The following FAT3 variants were observed in gnomAD, a reference collection of about 807,000 sequenced individuals.
FAT3 encodes the protein protocadherin Fat 3.
Under a neutral mutation model 310.2 loss-of-function variants are expected in FAT3, and 95 were observed. The ratio of observed to expected loss-of-function variants is 0.31; its 90% CI spans 0.26 to 0.36. The LOEUF is 0.36. Ranked by LOEUF, FAT3 falls within the 10% of genes least tolerant of loss-of-function variation. The pLI is 1.00. For missense variants in FAT3, 5,408 were observed against 5,715.6 expected (o/e 0.95, Z 1.74); for synonymous variants, 2,314 against 2,192.9 (o/e 1.06, Z -1.54).
At chr11:92,296,693 C>A (rs560721914) in intron 1 of FAT3, among the ~76,000 whole-genome samples, 2 of 152,022 alleles carry the variant, frequency 1.3e-5, no homozygotes, top group African/African-American at 2.4e-5. Context: ...AAAGGCTCAG[C>A]GCGAAATGGA....
intron 15 of FAT3, 84 bp from the exon 16 acceptor site, chr11:92,836,482 A>G: frequency 6.6e-7 from 1 of 1,524,422 alleles, no homozygotes; most frequent in Non-Finnish European, 8.8e-7. Flanking sequence ...AGCTGCACCC[A>G]TTTAAACAGA....
In FAT3 at chr11:92,421,667, T is replaced by C. The variant is rs1310772484; in HGVS notation, c.3292+66263T>C. On this transcript the variant is annotated intron_variant, in intron 2 of 27. Transcript: ENST00000525166. ...TGCTTAAAATTATATTTTTGCTTTT[T>C]ATTGAGAGACAATCGACCTCAAAAC... Among the ~76,000 whole-genome samples, 7 of 152,352 alleles carry C rather than the reference T, an allele frequency of 4.6e-5. No individual in the cohort carries two copies. In the East Asian group the frequency reaches 1.2e-3, roughly 25 times the overall value.
At chr11:92,555,578 A>G (rs1954989060) in intron 3 of FAT3, among the ~76,000 whole-genome samples, 1 of 152,146 alleles carries the variant, frequency 6.6e-6, no homozygotes, top group Non-Finnish European at 1.5e-5. Context: ...CTTTTCAGCT[A>G]ACACCCAGAG....
intron 2 of FAT3, among the ~76,000 whole-genome samples, chr11:92,417,960 T>C (rs1950451993): frequency 6.6e-6 from 1 of 152,092 alleles, no homozygotes; most frequent in African/African-American, 2.4e-5. Flanking sequence ...AGCAGGTGCT[T>C]AATGAATTCC....
Position 92,684,711 on chromosome 11 carries a change from G to A in FAT3, c.3608-12673G>A, listed in dbSNP as rs1445303323. 2.6e-5 allele frequency among the ~76,000 whole-genome samples: 4 copies of A among 152,064 alleles called. No individual in the cohort carries two copies. In the South Asian group the frequency reaches 8.3e-4, roughly 32 times the overall value. ...AACAAGCTAGATATAGATGCTTATG[G>A]CAGTCTTTGGTGCTTCCTGCCTCTC... is the stretch of plus-strand genomic sequence containing the variant. On this transcript the variant is annotated intron_variant, in intron 3 of 27. Coordinates refer to ENST00000525166, the MANE Select transcript of FAT3 (RefSeq NM_001367949.2).
At chr11:92,671,052 GT>G (rs917896972) in intron 3 of FAT3, among the ~76,000 whole-genome samples, 15 of 147,992 alleles carry the variant, frequency 1.0e-4, no homozygotes, top group South Asian at 4.4e-4. Context: ...TTTGTTTTTT[GT>G]TTTTTTTTTA....
chr11:92,794,158 G>C (rs1302164144), intron 9 of FAT3, among the ~76,000 whole-genome samples: 1 of 151,900 alleles, frequency 6.6e-6, no homozygotes, highest in African/African-American at 2.4e-5. Flanking sequence ...TTTTAGAAAT[G>C]CTATTTTACA....
intron 9 of FAT3, among the ~76,000 whole-genome samples, chr11:92,793,773 G>A (rs573178730): frequency 2.8e-4 from 42 of 152,052 alleles, no homozygotes; most frequent in African/African-American, 6.5e-4. Flanking sequence ...TATGTCTGTC[G>A]TGAATAATGC....
In FAT3 at chr11:92,306,745, AT is replaced by A. The variant is rs529212832; in HGVS notation, c.-17-45350del. ...ATATTATATATATATTTATATATAAATATATATAAATATATATATAAATAAA... is the reference window on the plus strand; with the variant it reads ...ATATTATATATATATTTATATATAAAATATATAAATATATATATAAATAAA... On this transcript the variant is annotated intron_variant, in intron 1 of 27. Transcript: ENST00000525166. Among the ~76,000 whole-genome samples, 345 of 126,292 alleles carry A rather than the reference AT, an allele frequency of 2.7e-3. 2 individuals are homozygous for A. Among genetic ancestry groups the A allele is most frequent in the African/African-American group, 9.0e-3 (298 of 33,258 alleles). The allele number at this position is 126,292 out of a possible 152,430, so 82.9% of individuals were successfully genotyped here. A position where few individuals can be genotyped will look rare whatever the true frequency, so the allele number is the denominator to read the frequency against.
intron 1 of FAT3, among the ~76,000 whole-genome samples, chr11:92,294,169 G>A (rs1946785435): frequency 6.6e-6 from 1 of 151,952 alleles, no homozygotes; most frequent in African/African-American, 2.4e-5. Context: ...TTCTTGCTTT[G>A]CCCTCAAATG....
chr11:92,511,379 T>G (rs1011351664), intron 2 of FAT3, among the ~76,000 whole-genome samples: 27 of 152,136 alleles, frequency 1.8e-4, no homozygotes, highest in African/African-American at 6.5e-4. Flanking sequence ...GACTCTTCTT[T>G]TTTTTTTGTT....
At chr11:92,599,463 T>C (rs1939898428) in intron 3 of FAT3, among the ~76,000 whole-genome samples, 1 of 152,102 alleles carries the variant, frequency 6.6e-6, no homozygotes, top group African/African-American at 2.4e-5. Context: ...TTATGGGAAC[T>C]ACAGTTCAAG....
At chr11:92,668,050 G>T (rs1241161845) in intron 3 of FAT3, among the ~76,000 whole-genome samples, 1 of 152,202 alleles carries the variant, frequency 6.6e-6, no homozygotes, top group East Asian at 1.9e-4. Context: ...CATGAAAGCT[G>T]CATTGCTTGT....
intron 1 of FAT3, among the ~76,000 whole-genome samples, chr11:92,250,144 A>G (rs1335473311): frequency 6.6e-6 from 1 of 152,080 alleles, no homozygotes; most frequent in Non-Finnish European, 1.5e-5. Context: ...TGAATCCTAA[A>G]CCATTTGTTT....
At chr11:92,878,943 A>G (rs1450040047) in intron 22 of FAT3, among the ~76,000 whole-genome samples, 4 of 152,158 alleles carry the variant, frequency 2.6e-5, no homozygotes, top group Non-Finnish European at 5.9e-5. Flanking sequence ...CCAGATTGCA[A>G]GAGCCCACTG....
At chr11:92,416,049 C>T (rs1261628500) in intron 2 of FAT3, among the ~76,000 whole-genome samples, 2 of 130,738 alleles carry the variant, frequency 1.5e-5, no homozygotes, top group Non-Finnish European at 3.1e-5. Flanking sequence ...ACCATCTCCA[C>T]ACAGGCAGTC....
intron 1 of FAT3, among the ~76,000 whole-genome samples, chr11:92,288,414 T>C (rs993379347): frequency 6.6e-6 from 1 of 152,150 alleles, no homozygotes; most frequent in Non-Finnish European, 1.5e-5. Flanking sequence ...CATCTGGGTC[T>C]ATCCTCTGTT....
At position 92,883,360 on chromosome 11, in the gene FAT3, A is replaced by G. The variant is rs901701862; in HGVS notation, c.12904A>G (p.Ile4302Val). 6 of 1,606,066 alleles carry G rather than the reference A, an allele frequency of 3.7e-6. No homozygotes were observed. In the African/African-American group the frequency reaches 6.7e-5, roughly 18 times the overall value. The change falls in exon 24 of 28, where the codon ATC becomes GTC. Residue 4302 changes from isoleucine to valine, a missense_variant. Ile to Val is a conservative substitution (Grantham distance 29). This residue lies in a region of FAT3 where 649 missense variants were observed against 666.2 expected (regional missense o/e 0.97). Coordinates refer to ENST00000525166, the MANE Select transcript of FAT3 (RefSeq NM_001367949.2). The surrounding 1 kb of genome is among the most constrained non-coding windows in gnomAD (Gnocchi z 4.2). ...VSPCRSDCDS[I>V]RKNGWDAGTE... The stretch of plus-strand genomic sequence containing the variant: ...ACCCTGCCGCTCCGACTGCGACTCC[A>G]TCCGGAAGAATGGCTGGGACGCGGG...
Position 92,889,902 on chromosome 11 carries a change from C to T in FAT3, c.13147+11C>T, listed in dbSNP as rs181251382. On this transcript the variant is annotated intron_variant, in intron 27 of 27. Transcript: ENST00000525166. The stretch of plus-strand genomic sequence containing the variant: ...AGAACTACAACCGAGGTGACTGTGC[C>T]GCAACCCTAGCATAACTTTTTGTGT... The T allele has an allele frequency of 9.4e-4, 674 of 717,996 alleles. 4 individuals are homozygous for T. The highest frequency in any genetic ancestry group is 4.0e-3 in the East Asian group (149 of 37,290). 44.5% of individuals were successfully genotyped at this position (717,996 alleles called of 1,614,324 possible). A position where few individuals can be genotyped will look rare whatever the true frequency, so the allele number is the denominator to read the frequency against.
Sources: allele counts gnomAD v4.1 joint callset (sites outside exome capture counted in the v4.1 genomes callset), GRCh38; gene constraint gnomAD v4.1.1; regional missense constraint gnomAD v4.1.1; non-coding constraint Gnocchi (gnomAD v3.1); transcripts MANE v1.5; gene names NCBI Gene and HGNC (gene_info 2026-07-23, HGNC 2026-07-21).